The following GPR139 variants were observed in gnomAD, a reference collection of about 807,000 sequenced individuals.
The protein encoded by GPR139 is probable G protein-coupled receptor 139.
In GPR139, 12 loss-of-function variants were observed where a neutral mutation model predicts 25.8. The observed-to-expected ratio is 0.47, with a 90% confidence interval of 0.30 to 0.75. The LOEUF (loss-of-function observed/expected upper bound fraction) is 0.75. Ranked by LOEUF, GPR139 falls within the 30% of genes least tolerant of loss-of-function variation. The probability of loss-of-function intolerance (pLI) is 0.07; values close to 1 mark genes in which losing one functional copy is unlikely to be tolerated. For missense variants in GPR139, 380 were observed against 450.2 expected, an observed-to-expected ratio of 0.84 and a Z score of 1.41; for synonymous variants, 184 against 179.9, an observed-to-expected ratio of 1.02 and a Z score of -0.18.
chr16:20,040,521 A>G (rs1295462393), intron 1 of GPR139, among the ~76,000 whole-genome samples: 1 of 152,186 alleles, frequency 6.6e-6, no homozygotes, highest in East Asian at 1.9e-4. Context: ...ATATTCACCT[A>G]TTGCTGGACG....
At chr16:20,033,882 C>T (rs1013556123) in intron 1 of GPR139, among the ~76,000 whole-genome samples, 2 of 151,598 alleles carry the variant, frequency 1.3e-5, no homozygotes, top group African/African-American at 2.4e-5. Flanking sequence ...ATTACTTTTG[C>T]ACCAACCTAA....
chr16:20,068,984 A>C (rs1022077065), intron 1 of GPR139, among the ~76,000 whole-genome samples: 6 of 151,894 alleles, frequency 4.0e-5, no homozygotes, highest in Non-Finnish European at 1.5e-5. Flanking sequence ...GTTGATTCTG[A>C]CATGTTATTC....
At chr16:20,060,015 G>C (rs1167968650) in intron 1 of GPR139, among the ~76,000 whole-genome samples, 1 of 152,074 alleles carries the variant, frequency 6.6e-6, no homozygotes, top group Admixed American at 6.6e-5. Context: ...TTCCTTTAAG[G>C]GATGCCCACC....
chr16:20,057,887 C>T (rs1391729514), intron 1 of GPR139, among the ~76,000 whole-genome samples: 2 of 152,158 alleles, frequency 1.3e-5, no homozygotes, highest in Non-Finnish European at 2.9e-5. Flanking sequence ...TTCCTTTCTA[C>T]CTAACTAGAG....
intron 1 of GPR139, among the ~76,000 whole-genome samples, chr16:20,068,706 C>T (rs1423267173): frequency 6.6e-6 from 1 of 152,150 alleles, no homozygotes; most frequent in East Asian, 1.9e-4. Context: ...AGGGAAAAAG[C>T]ATTCAGTTTT....
At chr16:20,034,723 T>C (rs941665857) in intron 1 of GPR139, among the ~76,000 whole-genome samples, 4 of 152,198 alleles carry the variant, frequency 2.6e-5, no homozygotes, top group Non-Finnish European at 5.9e-5. Flanking sequence ...TCTTTTATAC[T>C]GAAACTGCCA....
chr16:20,052,664 G>T (rs1244886829), intron 1 of GPR139, among the ~76,000 whole-genome samples: 1 of 152,016 alleles, frequency 6.6e-6, no homozygotes, highest in African/African-American at 2.4e-5. Context: ...GGGCGTGGTG[G>T]CGGGCACCAG....
In GPR139 at chr16:20,031,062, A is replaced by G. The variant is rs987538644; in HGVS notation, c.*673T>C. 6.6e-6 allele frequency among the ~76,000 whole-genome samples: 1 copy of G among 152,124 alleles called. No individual in the cohort carries two copies. Among genetic ancestry groups the G allele is most frequent in the African/African-American group, 2.4e-5 (1 of 41,414 alleles). On this transcript the variant is annotated 3_prime_UTR_variant, in exon 2 of 2. Coordinates refer to ENST00000570682, the MANE Select transcript of GPR139 (RefSeq NM_001002911.4). ...AGAGAAAATCTATACATAATGATAA[A>G]TAGAAAACTGCCTTTTAGACCCCAG...
intron 1 of GPR139, among the ~76,000 whole-genome samples, chr16:20,060,815 ACCAGTC>A (rs1324601142): frequency 6.6e-6 from 1 of 152,018 alleles, no homozygotes; most frequent in East Asian, 1.9e-4. Flanking sequence ...ATATGTGTGT[ACCAGTC>A]CCCTCCTGCC....
rs989425 is a variant in GPR139 at position 20,028,647 on chromosome 16, G to A, written c.*3088C>T. Reference sequence around the variant, plus strand: ...CAGGGTGTTTGCAACACACAAGTTCGTGCCCACTCCGGTCTGTCTTTTATG... The same window carrying A: ...CAGGGTGTTTGCAACACACAAGTTCATGCCCACTCCGGTCTGTCTTTTATG... On this transcript the variant is annotated 3_prime_UTR_variant, in exon 2 of 2. Coordinates refer to ENST00000570682, the MANE Select transcript of GPR139 (RefSeq NM_001002911.4). Among the ~76,000 whole-genome samples the A allele has an allele frequency of 1, 151,599 of 152,316 alleles. 75,469 individuals carry two copies. The highest frequency in any genetic ancestry group is 1 in the Middle Eastern group (294 of 294).
intron 1 of GPR139, among the ~76,000 whole-genome samples, chr16:20,068,051 G>T (rs1388723905): frequency 6.6e-6 from 1 of 151,868 alleles, no homozygotes; most frequent in African/African-American, 2.4e-5. Flanking sequence ...TATTTTCTCG[G>T]ATATGCATGA....
chr16:20,070,906 G>C (rs774637251), intron 1 of GPR139: 2 of 977,226 alleles, frequency 2.0e-6, no homozygotes, highest in African/African-American at 3.5e-5. Flanking sequence ...AGCTCAACAC[G>C]CAGAGTTACA....
At chr16:20,069,157 T>C (rs1242977812) in intron 1 of GPR139, among the ~76,000 whole-genome samples, 1 of 152,220 alleles carries the variant, frequency 6.6e-6, no homozygotes, top group Non-Finnish European at 1.5e-5. Flanking sequence ...TCCTAATTTT[T>C]AAATGATGAA....
intron 1 of GPR139, among the ~76,000 whole-genome samples, chr16:20,033,537 C>A (rs565210057): frequency 6.6e-6 from 1 of 152,104 alleles, no homozygotes; most frequent in East Asian, 1.9e-4. Flanking sequence ...AGGAAAGAGA[C>A]GGGACTATAT....
chr16:20,064,437 AG>A (rs1478506384), intron 1 of GPR139, among the ~76,000 whole-genome samples: 3 of 152,140 alleles, frequency 2.0e-5, no homozygotes, highest in Non-Finnish European at 4.4e-5. Context: ...CGGGAGGCTG[AG>A]GCAGGAGGAT....
Position 20,073,641 on chromosome 16 carries a change from C to G in GPR139, c.-25G>C. 4 of 1,546,000 alleles carry G rather than the reference C, an allele frequency of 2.6e-6. No individual in the cohort carries two copies. Among genetic ancestry groups the G allele is most frequent in the Non-Finnish European group, 3.5e-6 (4 of 1,144,176 alleles). On this transcript the variant is annotated 5_prime_UTR_variant, in exon 1 of 2. Coordinates refer to ENST00000570682, the MANE Select transcript of GPR139 (RefSeq NM_001002911.4). This position sits in a 1 kb window ranked among gnomAD's most constrained non-coding sequence, Gnocchi z 4.7. ...TGAGCGCGCCCCTCGCTCCCCTTGC[C>G]GCTTCGCGCCCGGCCTGCCAGCCCG...
At chr16:20,069,138 G>T (rs1048877760) in intron 1 of GPR139, among the ~76,000 whole-genome samples, 1 of 152,106 alleles carries the variant, frequency 6.6e-6, no homozygotes, top group African/African-American at 2.4e-5. Context: ...AAAGTGAGTT[G>T]GGATTTTTTC....
intron 1 of GPR139, among the ~76,000 whole-genome samples, chr16:20,058,541 G>A (rs2057399637): frequency 6.6e-6 from 1 of 152,176 alleles, no homozygotes; most frequent in South Asian, 2.1e-4. Context: ...GTTTTGAGAA[G>A]ATCCAAGAAG....
At chr16:20,072,846 GCTGCCC>G (rs1174133239) in intron 1 of GPR139, among the ~76,000 whole-genome samples, 9 of 152,200 alleles carry the variant, frequency 5.9e-5, no homozygotes, top group Non-Finnish European at 1.2e-4. Flanking sequence ...GCCACCGCAG[GCTGCCC>G]TGTGTGTCTC....
Sources: allele counts gnomAD v4.1 joint callset (sites outside exome capture counted in the v4.1 genomes callset), GRCh38; gene constraint gnomAD v4.1.1; non-coding constraint Gnocchi (gnomAD v3.1); transcripts MANE v1.5; gene names NCBI Gene and HGNC (gene_info 2026-07-23, HGNC 2026-07-21).